The following FHL5 variants were observed in gnomAD, a reference collection of about 807,000 sequenced individuals.
FHL5 encodes four and a half LIM domains protein 5.
A neutral mutation model predicts 32.0 loss-of-function variants in FHL5; 33 were observed. That is an observed-to-expected ratio of 1.03 (90% confidence interval 0.78 to 1.38). The LOEUF is 1.38. Ranked by LOEUF, FHL5 falls within the 40% of genes most tolerant of loss-of-function variation. The pLI is 0.00. For missense variants in FHL5, 336 were observed against 343.9 expected (o/e 0.98, Z 0.18); for synonymous variants, 114 against 113.6 (o/e 1.00, Z -0.02).
chr6:96,585,812 T>C (rs1053410612), intron 1 of FHL5, among the ~76,000 whole-genome samples: 3 of 152,212 alleles, frequency 2.0e-5, no homozygotes, highest in Non-Finnish European at 2.9e-5. Context: ...AATTATATCC[T>C]AGTGCACTTC....
chr6:96,614,703 A>T (rs1363721172), intron 5 of FHL5, among the ~76,000 whole-genome samples: 1 of 152,234 alleles, frequency 6.6e-6, no homozygotes, highest in Non-Finnish European at 1.5e-5. Flanking sequence ...AGCCTAGGGC[A>T]TCTCAACCTC....
rs1157623028 is a variant in FHL5, at chr6:96,617,904, T to C, written c.*2132T>C. Among the ~76,000 whole-genome samples the C allele has an allele frequency of 6.6e-6, 1 of 152,154 alleles. No homozygotes were observed. The highest frequency in any genetic ancestry group is 1.5e-5 in the Non-Finnish European group (1 of 68,034). ...AAATATATATACTTTTACATATAAA[T>C]AGTTCTGCATTTAGAAGGTATCCTA... On this transcript the variant is annotated 3_prime_UTR_variant, in exon 6 of 6. Transcript: ENST00000450218.
At chr6:96,566,186 A>G (rs1165864757) in intron 1 of FHL5, among the ~76,000 whole-genome samples, 2 of 151,956 alleles carry the variant, frequency 1.3e-5, no homozygotes, top group Non-Finnish European at 1.5e-5. Flanking sequence ...AGTAAGCACT[A>G]TTCTGCTCTC....
intron 1 of FHL5, among the ~76,000 whole-genome samples, chr6:96,567,821 T>A (rs909836347): frequency 1.2e-4 from 16 of 135,974 alleles, no homozygotes; most frequent in African/African-American, 3.9e-4. Context: ...CTGGTTTTTG[T>A]ATTCTTTTTT....
chr6:96,613,768 G>T (rs1428605988), intron 5 of FHL5, among the ~76,000 whole-genome samples: 1 of 152,178 alleles, frequency 6.6e-6, no homozygotes, highest in African/African-American at 2.4e-5. Flanking sequence ...CTTACTAGCT[G>T]GGTGACCTGG....
chr6:96,564,680 TTGTC>T (rs1770315305), intron 1 of FHL5, among the ~76,000 whole-genome samples: 1 of 152,144 alleles, frequency 6.6e-6, no homozygotes, highest in South Asian at 2.1e-4. Flanking sequence ...GATATTTAAT[TTGTC>T]TGTTTTTATT....
chr6:96,571,832 A>G (rs1361961705), intron 1 of FHL5, among the ~76,000 whole-genome samples: 3 of 152,104 alleles, frequency 2.0e-5, no homozygotes, highest in African/African-American at 7.2e-5. Flanking sequence ...GGCACTGGGT[A>G]GTAGTGATTG....
chr6:96,565,026 C>A (rs1184815454), intron 1 of FHL5, among the ~76,000 whole-genome samples: 1 of 151,918 alleles, frequency 6.6e-6, no homozygotes, highest in Non-Finnish European at 1.5e-5. Context: ...AGGCCAAGGT[C>A]GTGGGGATCA....
chr6:96,568,845 C>T (rs76977938), intron 1 of FHL5, among the ~76,000 whole-genome samples: 6,851 of 151,584 alleles, frequency 0.045, 457 homozygotes, highest in African/African-American at 0.14. Context: ...GGGACCTTTA[C>T]GTTTTTCTTG....
chr6:96,573,183 A>G (rs1770515649), intron 1 of FHL5, among the ~76,000 whole-genome samples: 1 of 152,212 alleles, frequency 6.6e-6, no homozygotes, highest in Non-Finnish European at 1.5e-5. Context: ...GAAAAAGTCA[A>G]GGTGTTCAAT....
At chr6:96,570,308 C>T (rs1302798749) in intron 1 of FHL5, among the ~76,000 whole-genome samples, 5 of 152,188 alleles carry the variant, frequency 3.3e-5, no homozygotes, top group African/African-American at 1.2e-4. Flanking sequence ...TAACTCTATT[C>T]TCTCCTCGCC....
chr6:96,576,773 C>T (rs1032816327), intron 1 of FHL5, among the ~76,000 whole-genome samples: 2 of 152,196 alleles, frequency 1.3e-5, no homozygotes. Flanking sequence ...CAACCCTAAA[C>T]AGGACAAGAA....
Position 96,616,010 on chromosome 6 carries a change from C to T in FHL5, c.*238C>T. 1 of 302,890 alleles carries T rather than the reference C, an allele frequency of 3.3e-6. No individual in the cohort carries two copies. The allele number at this position is 302,890 out of a possible 1,614,324, so 18.8% of individuals were successfully genotyped here. A position where few individuals can be genotyped will look rare whatever the true frequency, so the allele number is the denominator to read the frequency against. On this transcript the variant is annotated 3_prime_UTR_variant, in exon 6 of 6. Transcript: ENST00000450218. ...TCTCCTTGCAAAATACTGCACTCTG[C>T]TGTTAGAAGCAGAGGAAAATATCTC...
intron 1 of FHL5, among the ~76,000 whole-genome samples, chr6:96,595,937 T>G (rs1490816197): frequency 6.6e-6 from 1 of 152,112 alleles, no homozygotes; most frequent in Non-Finnish European, 1.5e-5. Context: ...GGATTTTTAC[T>G]TATACTGCTT....
chr6:96,566,542 G>A (rs1238321831), intron 1 of FHL5, among the ~76,000 whole-genome samples: 2 of 151,794 alleles, frequency 1.3e-5, no homozygotes, highest in Non-Finnish European at 2.9e-5. Context: ...TGGATCATAC[G>A]GTAGTTCTAT....
Position 96,615,651 on chromosome 6 carries a change from G to A in FHL5, c.734G>A (p.Trp245Ter), listed in dbSNP as rs1390988645. Residue 245 changes from tryptophan to a stop codon, truncating the protein, a stop_gained, in exon 6 of 6, where the codon TGG (tryptophan) becomes TAG (stop). Coordinates refer to ENST00000450218, the MANE Select transcript of FHL5 (RefSeq NM_001322466.2). LOFTEE classifies it high-confidence loss of function. The part of the protein sequence containing the change: ...AKFICFQDSQ[W>*]HSECFNCGKC... Reference sequence around the variant, plus strand: ...TTTATCTGCTTTCAAGACAGCCAGTGGCATAGCGAATGCTTTAACTGCGGG... The same window carrying A: ...TTTATCTGCTTTCAAGACAGCCAGTAGCATAGCGAATGCTTTAACTGCGGG... The A allele has an allele frequency of 6.2e-7, 1 of 1,613,010 alleles. No individual in the cohort carries two copies. The highest frequency in any genetic ancestry group is 1.1e-5 in the South Asian group (1 of 90,832).
At chr6:96,597,621 C>G (rs1247549637) in intron 1 of FHL5, among the ~76,000 whole-genome samples, 1 of 152,154 alleles carries the variant, frequency 6.6e-6, no homozygotes, top group Non-Finnish European at 1.5e-5. Flanking sequence ...TGACCTTGCC[C>G]TAGTCTTCCT....
At chr6:96,602,422 G>GTTCCTTTTTTTTTTTTTTTT (rs1562062425) in intron 1 of FHL5, among the ~76,000 whole-genome samples, 1 of 26,584 alleles carries the variant, frequency 3.8e-5, no homozygotes, top group African/African-American at 1.1e-4. Context: ...TATATGCGTT[G>GTTCCTTTTTTTTTTTTTTTT]TTTCTTTTTT....
At chr6:96,602,152 CG>C (rs1771161319) in intron 1 of FHL5, among the ~76,000 whole-genome samples, 1 of 152,102 alleles carries the variant, frequency 6.6e-6, no homozygotes, top group Non-Finnish European at 1.5e-5. Context: ...TAAGGCAAAA[CG>C]CATGAGAATA....
Sources: allele counts gnomAD v4.1 joint callset (sites outside exome capture counted in the v4.1 genomes callset), GRCh38; gene constraint gnomAD v4.1.1; transcripts MANE v1.5; gene names NCBI Gene and HGNC (gene_info 2026-07-23, HGNC 2026-07-21).